TRPM3: variants seen among roughly 807,000 people sequenced by gnomAD.
The protein encoded by TRPM3 is long transient receptor potential channel 3.
In TRPM3, 77 loss-of-function variants were observed where a neutral mutation model predicts 181.2. The ratio of observed to expected loss-of-function variants is 0.42; its 90% confidence interval spans 0.35 to 0.51. The LOEUF (loss-of-function observed/expected upper bound fraction) is 0.51, where lower values mean the gene tolerates loss of function less well. Among genes scored for constraint, TRPM3 ranks in the 20% least tolerant of loss-of-function variants. The pLI, the probability that TRPM3 is intolerant of heterozygous loss-of-function variation, is 0.01. For synonymous variants in TRPM3, 745 were observed against 796.4 expected, an observed-to-expected ratio of 0.94 and a Z score of 1.09; for missense variants, 1,759 against 2,196.7, an observed-to-expected ratio of 0.80 and a Z score of 3.98.
At chr9:70,664,534 G>A (rs1389862955) in intron 9 of TRPM3, among the ~76,000 whole-genome samples, 1 of 151,968 alleles carries the variant, frequency 6.6e-6, no homozygotes, top group African/African-American at 2.4e-5. Flanking sequence ...TTGCTTTGAT[G>A]GAACTTAACT....
At chr9:71,299,669 T>G (rs767101622) in intron 1 of TRPM3, among the ~76,000 whole-genome samples, 12 of 152,162 alleles carry the variant, frequency 7.9e-5, no homozygotes, top group Non-Finnish European at 1.6e-4. Flanking sequence ...CTCTCAGTTC[T>G]CATAAAAATC....
chr9:71,114,696 C>T (rs2071914237), intron 1 of TRPM3, among the ~76,000 whole-genome samples: 1 of 152,104 alleles, frequency 6.6e-6, no homozygotes, highest in Admixed American at 6.5e-5. Flanking sequence ...CTGGCCACTT[C>T]TCACTTGGTC....
At chr9:70,856,624 T>C (rs149151608) in intron 3 of TRPM3, among the ~76,000 whole-genome samples, 1 of 152,254 alleles carries the variant, frequency 6.6e-6, no homozygotes, top group Non-Finnish European at 1.5e-5. Context: ...ACATTCCCTT[T>C]CACCTCACAC....
intron 5 of TRPM3, 95 bp downstream of exon 5, chr9:70,842,908 A>C: frequency 7.9e-7 from 1 of 1,263,786 alleles, no homozygotes. Context: ...CCCAAAGAAT[A>C]CTATAATGTG....
chr9:70,754,183 A>G (rs2076670751), intron 8 of TRPM3, among the ~76,000 whole-genome samples: 1 of 152,148 alleles, frequency 6.6e-6, no homozygotes. Flanking sequence ...TCTGGAACAT[A>G]AGGCTCTTGG....
chr9:70,910,196 G>T (rs1289599305), intron 1 of TRPM3, among the ~76,000 whole-genome samples: 1 of 152,128 alleles, frequency 6.6e-6, no homozygotes, highest in East Asian at 1.9e-4. Flanking sequence ...CTTACACAAT[G>T]GAATACTATG....
At chr9:70,905,360 C>G (rs1014019426) in intron 1 of TRPM3, among the ~76,000 whole-genome samples, 4 of 152,162 alleles carry the variant, frequency 2.6e-5, no homozygotes, top group Non-Finnish European at 4.4e-5. Context: ...ATTCCCTAAA[C>G]GAATGTAATG....
At position 71,432,283 on chromosome 9, in the gene TRPM3, C is replaced by G. The variant is rs187929054; in HGVS notation, c.183+14370G>C. Among the ~76,000 whole-genome samples the G allele has an allele frequency of 3.8e-3, 578 of 151,312 alleles. 3 individuals carry two copies. The highest frequency in any genetic ancestry group is 3.4e-3 in the Non-Finnish European group (234 of 67,886). On this transcript the variant is annotated intron_variant, in intron 1 of 24. Coordinates refer to the TRPM3 transcript ENST00000357533. The stretch of plus-strand genomic sequence containing the variant: ...TGATTGAAAAAATAATGTTTTCTGT[C>G]CCCCAACTGTATTCAATGGGTAATG...
At chr9:71,141,796 G>A (rs962968012) in intron 1 of TRPM3, among the ~76,000 whole-genome samples, 1 of 152,056 alleles carries the variant, frequency 6.6e-6, no homozygotes, top group Non-Finnish European at 1.5e-5. Flanking sequence ...CGTTCTGCTG[G>A]TTGTTGTCTT....
At chr9:70,761,468 C>T (rs774360668) in intron 8 of TRPM3, 133 bp downstream of exon 8, 1 of 1,219,422 alleles carries the variant, frequency 8.2e-7, no homozygotes, top group East Asian at 2.4e-5. Flanking sequence ...GCTACTGGAG[C>T]CAATGGAGCC....
chr9:71,172,203 A>G (rs1435731174), intron 1 of TRPM3, among the ~76,000 whole-genome samples: 3 of 151,570 alleles, frequency 2.0e-5, no homozygotes, highest in South Asian at 2.1e-4. Context: ...TGCCCAGCGC[A>G]TAGAAGGCAG....
At position 70,533,510 on chromosome 9, in the gene TRPM3, G is replaced by A. The variant is rs897515040; in HGVS notation, c.*2443C>T. On this transcript the variant is annotated 3_prime_UTR_variant, in exon 26 of 26. Coordinates refer to ENST00000677713, the MANE Select transcript of TRPM3 (RefSeq NM_001366145.2). ...AACTGCATTAACTACGAGCAAACATGGTTCCTTTCCCTCATAATCAATATA... is the reference window on the plus strand; with the variant it reads ...AACTGCATTAACTACGAGCAAACATAGTTCCTTTCCCTCATAATCAATATA... The A allele has an allele frequency of 2.0e-5, 3 of 152,120 alleles. No homozygotes were observed. Among genetic ancestry groups the A allele is most frequent in the Admixed American group, 1.3e-4 (2 of 15,272 alleles). The allele number at this position is 152,120 out of a possible 1,614,324, so 9.4% of individuals were successfully genotyped here.
chr9:71,394,199 C>A (rs2093134368), intron 1 of TRPM3, among the ~76,000 whole-genome samples: 1 of 152,032 alleles, frequency 6.6e-6, no homozygotes. Context: ...ATTATTTGGC[C>A]ATTTATAGTA....
At chr9:71,333,308 C>T (rs764475536) in intron 1 of TRPM3, among the ~76,000 whole-genome samples, 2 of 151,924 alleles carry the variant, frequency 1.3e-5, no homozygotes, top group Non-Finnish European at 2.9e-5. Context: ...ACGAAATTGA[C>T]TTCTCAAATA....
At chr9:70,797,269 C>T (rs1810917757) in intron 6 of TRPM3, among the ~76,000 whole-genome samples, 1 of 152,178 alleles carries the variant, frequency 6.6e-6, no homozygotes, top group Non-Finnish European at 1.5e-5. Flanking sequence ...TTTAAATTCT[C>T]ATGAAATCAG....
At chr9:71,296,635 T>C (rs1565435062) in intron 1 of TRPM3, among the ~76,000 whole-genome samples, 1 of 152,100 alleles carries the variant, frequency 6.6e-6, no homozygotes, top group Admixed American at 6.6e-5. Context: ...AATTTTATTC[T>C]AATGCACTTG....
chr9:70,686,824 TC>T (rs1169692416), intron 8 of TRPM3, among the ~76,000 whole-genome samples: 11 of 85,180 alleles, frequency 1.3e-4, no homozygotes, highest in South Asian at 4.9e-4. Flanking sequence ...CTTTTCTTTT[TC>T]TTTTTTTTTT....
chr9:70,781,360 TA>T (rs1273642380), intron 7 of TRPM3, among the ~76,000 whole-genome samples: 1 of 134,430 alleles, frequency 7.4e-6, no homozygotes, highest in Non-Finnish European at 1.6e-5. Context: ...GAAAACATGA[TA>T]TTTTTGACTC....
At chr9:71,189,928 C>G (rs1418217963) in intron 1 of TRPM3, among the ~76,000 whole-genome samples, 1 of 151,914 alleles carries the variant, frequency 6.6e-6, no homozygotes, top group African/African-American at 2.4e-5. Flanking sequence ...TTTCCACTCA[C>G]ATGTGCTATT....
Sources: allele counts gnomAD v4.1 joint callset (sites outside exome capture counted in the v4.1 genomes callset), GRCh38; gene constraint gnomAD v4.1.1; transcripts MANE v1.5; gene names NCBI Gene and HGNC (gene_info 2026-07-23, HGNC 2026-07-21).